PCLO: variants seen among roughly 807,000 people sequenced by gnomAD.
The protein encoded by PCLO is protein piccolo.
Under a neutral mutation model 427.5 loss-of-function variants are expected in PCLO, and 82 were observed. The ratio of observed to expected loss-of-function variants is 0.19; its 90% CI spans 0.16 to 0.23. The LOEUF is 0.23. PCLO is among the 10% of genes least tolerant of loss of function. The probability of loss-of-function intolerance (pLI) is 1.00; values close to 1 mark genes in which losing one functional copy is unlikely to be tolerated. For missense variants in PCLO, 6,239 were observed against 6,115.9 expected (o/e 1.02, Z -0.67); for synonymous variants, 2,357 against 2,155.4 (o/e 1.09, Z -2.59).
chr7:83,069,828 A>ACACACACACACACAC (rs1789766402), intron 3 of PCLO, among the ~76,000 whole-genome samples: 1 of 59,774 alleles, frequency 1.7e-5, no homozygotes. Context: ...CACACACACA[A>ACACACACACACACAC]AGACTGATGA....
rs142705621 is a variant in PCLO, at chr7:83,064,005, A to G, written c.3300+70245T>C. Reference sequence around the variant, plus strand: ...TTTGAAGACAGTAGGCTCTAATTCAATGAAAACCTATTAAGGCCCTTCCAT... The same window carrying G: ...TTTGAAGACAGTAGGCTCTAATTCAGTGAAAACCTATTAAGGCCCTTCCAT... On this transcript the variant is annotated intron_variant, in intron 3 of 24. Transcript: ENST00000333891. 1.8e-3 allele frequency among the ~76,000 whole-genome samples: 269 copies of G among 152,158 alleles called. 1 individual carries two copies. The highest frequency in any genetic ancestry group is 5.8e-3 in the African/African-American group (242 of 41,568).
chr7:82,931,836 A>G (rs1794846961), intron 6 of PCLO, among the ~76,000 whole-genome samples: 1 of 152,122 alleles, frequency 6.6e-6, no homozygotes, highest in South Asian at 2.1e-4. Flanking sequence ...CCTCACTTAA[A>G]GAGAGGGGAC....
intron 3 of PCLO, among the ~76,000 whole-genome samples, chr7:83,030,368 G>A (rs1372745313): frequency 6.6e-6 from 1 of 152,150 alleles, no homozygotes; most frequent in Non-Finnish European, 1.5e-5. Context: ...CAAAATTAGA[G>A]GACAGTAGAT....
rs1562994740 is a variant in PCLO at position 83,154,669 on chromosome 7, TA to T, written c.1893+78del. On this transcript the variant is annotated intron_variant, in intron 2 of 24. Transcript: ENST00000333891. Reference sequence around the variant, plus strand: ...AGAAAGACAATGCCATCATGTCATATATGTGTTTAGTTAAGCATCATTTGTA... The same window carrying T: ...AGAAAGACAATGCCATCATGTCATATTGTGTTTAGTTAAGCATCATTTGTA... 3.9e-6 allele frequency: 4 copies of T among 1,020,892 alleles called. No homozygotes were observed. The Admixed American group carries it at 8.2e-5, about 21-fold the overall frequency. The allele number at this position is 1,020,892 out of a possible 1,614,324, so 63.2% of individuals were successfully genotyped here. A position where few individuals can be genotyped will look rare whatever the true frequency, so the allele number is the denominator to read the frequency against.
intron 6 of PCLO, among the ~76,000 whole-genome samples, chr7:82,936,921 C>A (rs1042557380): frequency 6.6e-6 from 1 of 151,636 alleles, no homozygotes; most frequent in Admixed American, 6.6e-5. Context: ...TGTATGAATC[C>A]ATTTGTATTT....
At chr7:82,880,221 A>T (rs1250980664) in intron 9 of PCLO, among the ~76,000 whole-genome samples, 1 of 152,178 alleles carries the variant, frequency 6.6e-6, no homozygotes, top group Admixed American at 6.5e-5. Context: ...AAACATGGAA[A>T]AACTACAGTG....
chr7:82,783,180 C>G (rs1021026731), intron 22 of PCLO, among the ~76,000 whole-genome samples: 2 of 152,200 alleles, frequency 1.3e-5, no homozygotes, highest in Non-Finnish European at 2.9e-5. Flanking sequence ...TTTCCTGAGA[C>G]TATGATATCT....
intron 6 of PCLO, among the ~76,000 whole-genome samples, chr7:82,934,625 C>T (rs1794910089): frequency 6.6e-6 from 1 of 151,510 alleles, no homozygotes. Flanking sequence ...AGTATGGTGG[C>T]TTCAAAGCTT....
intron 2 of PCLO, among the ~76,000 whole-genome samples, chr7:83,137,571 T>C (rs778261434): frequency 5.9e-5 from 9 of 151,998 alleles, no homozygotes; most frequent in African/African-American, 1.2e-4. Context: ...GCTGGGACTA[T>C]AGGCGCCCAC....
Position 82,828,716 on chromosome 7 carries a change from C to T in PCLO, c.14250-750G>A, listed in dbSNP as rs1222292914. Among the ~76,000 whole-genome samples, 3 of 152,128 alleles carry T rather than the reference C, an allele frequency of 2.0e-5. No homozygotes were observed. The East Asian group carries it at 5.8e-4, about 29-fold the overall frequency. On this transcript the variant is annotated intron_variant, in intron 16 of 24. Coordinates refer to ENST00000333891, the MANE Select transcript of PCLO (RefSeq NM_033026.6). ...ATCCTAATGAAGTCTGGCAGAACATCTATAGCTGGCACCAACCTGCTGATG... is the reference window on the plus strand; with the variant it reads ...ATCCTAATGAAGTCTGGCAGAACATTTATAGCTGGCACCAACCTGCTGATG...
At position 82,951,105 on chromosome 7, in the gene PCLO, G is replaced by C; in HGVS notation, c.9483C>G (p.Ile3161Met). Residue 3161 changes from isoleucine (I) to methionine (M), a missense_variant, in exon 6 of 25, where the codon ATC becomes ATG. This residue lies in a region of PCLO where 4,677 missense variants were observed against 4,468.4 expected (regional missense o/e 1.05). Transcript: ENST00000333891. Reference protein sequence around the residue: ...ETDIAVTGIDISASLQTITME... With the variant: ...ETDIAVTGIDMSASLQTITME... ...TAGTAATAGTTTGCAAACTGGCACT[G>C]ATATCAATACCAGTTACTGCAATGT... 1 of 1,613,786 alleles carries C rather than the reference G, an allele frequency of 6.2e-7. No individual in the cohort carries two copies. Among genetic ancestry groups the C allele is most frequent in the East Asian group, 2.2e-5 (1 of 44,830 alleles).
At chr7:82,922,502 C>G (rs1434057544) in intron 6 of PCLO, among the ~76,000 whole-genome samples, 1 of 151,976 alleles carries the variant, frequency 6.6e-6, no homozygotes, top group Non-Finnish European at 1.5e-5. Flanking sequence ...AAACCAAATA[C>G]CACATGTTGT....
At chr7:82,775,790 G>T (rs551889249) in intron 22 of PCLO, among the ~76,000 whole-genome samples, 1 of 152,022 alleles carries the variant, frequency 6.6e-6, no homozygotes, top group Non-Finnish European at 1.5e-5. Context: ...AAATTGTCTA[G>T]ATTTTCTCCT....
intron 3 of PCLO, among the ~76,000 whole-genome samples, chr7:82,996,642 G>C (rs1787621827): frequency 6.6e-6 from 1 of 151,900 alleles, no homozygotes; most frequent in South Asian, 2.1e-4. Flanking sequence ...CTCTTTTGTG[G>C]CTTGATTTTC....
In PCLO at chr7:82,954,332, G is replaced by A; in HGVS notation, c.6621C>T (p.Thr2207=). The change falls in exon 5 of 25, where the codon ACC becomes ACT. Residue 2207 remains threonine (T), a synonymous_variant. Transcript: ENST00000333891. ...SSPITTLDSI[T]TVYTEPVDMI... ...TGTCCACTGGCTCTGTATAAACTGTGGTTATGCTATCCAGGGTAGTAATGG... is the reference window on the plus strand; with the variant it reads ...TGTCCACTGGCTCTGTATAAACTGTAGTTATGCTATCCAGGGTAGTAATGG... 3 of 1,613,670 alleles carry A rather than the reference G, an allele frequency of 1.9e-6. No homozygotes were observed. The highest frequency in any genetic ancestry group is 2.5e-6 in the Non-Finnish European group (3 of 1,179,674).
chr7:82,796,820 T>TG (rs1583984798), intron 22 of PCLO, among the ~76,000 whole-genome samples: 1 of 146,946 alleles, frequency 6.8e-6, no homozygotes, highest in African/African-American at 2.5e-5. Flanking sequence ...CCATACTAGA[T>TG]GGACAGTATG....
chr7:82,920,451 AAAGTATTTT>A (rs1794570131), intron 6 of PCLO, among the ~76,000 whole-genome samples: 1 of 151,786 alleles, frequency 6.6e-6, no homozygotes, highest in Non-Finnish European at 1.5e-5. Context: ...ATATAAATTT[AAAGTATTTT>A]AAAATACCTG....
rs1046524479 is a variant in PCLO at position 82,830,644 on chromosome 7, A to G, written c.14250-2678T>C. Among the ~76,000 whole-genome samples the G allele has an allele frequency of 3.6e-4, 55 of 152,124 alleles. 1 individual carries two copies. Among genetic ancestry groups the G allele is most frequent in the African/African-American group, 1.3e-3 (53 of 41,556 alleles). On this transcript the variant is annotated intron_variant, in intron 16 of 24. Coordinates refer to ENST00000333891, the MANE Select transcript of PCLO (RefSeq NM_033026.6). ...GTGGTGAGGTTATGGAAACCATATT[A>G]AGATTTATAATACACTGAACAGTAA... is the stretch of plus-strand genomic sequence containing the variant.
At chr7:82,977,504 C>T (rs1796047110) in intron 3 of PCLO, among the ~76,000 whole-genome samples, 1 of 151,648 alleles carries the variant, frequency 6.6e-6, no homozygotes, top group South Asian at 2.1e-4. Context: ...CCTCTGCCTC[C>T]CAGGTTCAAG....
Sources: allele counts gnomAD v4.1 joint callset (sites outside exome capture counted in the v4.1 genomes callset), GRCh38; gene constraint gnomAD v4.1.1; regional missense constraint gnomAD v4.1.1; transcripts MANE v1.5; gene names NCBI Gene and HGNC (gene_info 2026-07-23, HGNC 2026-07-21).